The following TRAP1 variants were observed in gnomAD, a reference collection of about 807,000 sequenced individuals.
TRAP1 encodes TNF receptor associated protein 1, also known as heat shock protein 75 kDa, mitochondrial.
A neutral mutation model predicts 89.1 loss-of-function variants in TRAP1; 102 were observed. The observed-to-expected ratio is 1.15, with a 90% CI of 0.98 to 1.35. The LOEUF is 1.35. Among genes scored for constraint, TRAP1 ranks in the 40% most tolerant of loss-of-function variants. TRAP1 has a pLI of 0.00. For missense variants in TRAP1, 1,256 were observed against 945.3 expected, an observed-to-expected ratio of 1.33 and a Z score of -4.31; for synonymous variants, 508 against 388.0, an observed-to-expected ratio of 1.31 and a Z score of -3.64.
chr16:3,705,549 T>C (rs1319409150), intron 1 of TRAP1, among the ~76,000 whole-genome samples: 2 of 152,226 alleles, frequency 1.3e-5, no homozygotes, highest in Non-Finnish European at 2.9e-5. Context: ...CTGGCTTCTT[T>C]GACTTAGCAT....
chr16:3,661,973 G>GAGCGTGGCCTCACCTGGGGTTGATCTCC lies in TRAP1; in HGVS notation c.1926_1940+13dup. On this transcript the variant is annotated intron_variant, in intron 16 of 17. Coordinates refer to ENST00000246957, the MANE Select transcript of TRAP1 (RefSeq NM_016292.3). ...GAATCCCACAGGCTGGAAGAGCCAG[G>GAGCGTGGCCTCACCTGGGGTTGATCTCC]AGCGTGGCCTCACCTGGGGTTGATC... 1 of 1,590,952 alleles carries GAGCGTGGCCTCACCTGGGGTTGATCTCC rather than the reference G, an allele frequency of 6.3e-7. No homozygotes were observed. The highest frequency in any genetic ancestry group is 8.6e-7 in the Non-Finnish European group (1 of 1,166,556).
chr16:3,664,204 AGAGCT>A, intron 13 of TRAP1, 65 bp downstream of exon 13: 1 of 1,434,982 alleles, frequency 7.0e-7, no homozygotes, highest in Admixed American at 2.8e-5. Flanking sequence ...CACCCAGCAC[AGAGCT>A]GAGAAGGTCA....
At chr16:3,667,416 G>A (rs1402895711) in intron 11 of TRAP1, among the ~76,000 whole-genome samples, 1 of 151,986 alleles carries the variant, frequency 6.6e-6, no homozygotes, top group African/African-American at 2.4e-5. Flanking sequence ...CAGAGGTCAG[G>A]AGTTTGAGAC....
chr16:3,670,866 C>A (rs1285011912), intron 11 of TRAP1, among the ~76,000 whole-genome samples: 2 of 152,160 alleles, frequency 1.3e-5, no homozygotes, highest in Non-Finnish European at 2.9e-5. Context: ...TGCCCACCAT[C>A]TCCCCAGACC....
At chr16:3,686,274 T>TG in intron 3 of TRAP1, 138 bp from the exon 4 acceptor site, 5 of 1,072,388 alleles carry the variant, frequency 4.7e-6, no homozygotes, top group Non-Finnish European at 6.6e-6. Context: ...GTTTCTGCTT[T>TG]AGTCAAAGGC....
At chr16:3,675,086 G>C (rs2050970697) in intron 8 of TRAP1, among the ~76,000 whole-genome samples, 1 of 152,186 alleles carries the variant, frequency 6.6e-6, no homozygotes, top group Non-Finnish European at 1.5e-5. Context: ...GAGCCAGCTG[G>C]GATGGGCGTT....
chr16:3,706,329 G>C (rs1310317180), intron 1 of TRAP1, among the ~76,000 whole-genome samples: 2 of 151,994 alleles, frequency 1.3e-5, no homozygotes, highest in African/African-American at 4.8e-5. Context: ...GAGTGCAGTG[G>C]CTGTTTACAG....
At chr16:3,696,595 G>A (rs2051290686) in intron 1 of TRAP1, among the ~76,000 whole-genome samples, 1 of 152,178 alleles carries the variant, frequency 6.6e-6, no homozygotes, top group Admixed American at 6.6e-5. Flanking sequence ...TCACTCTGTT[G>A]CCCAGGCTGG....
chr16:3,680,028 A>G, intron 4 of TRAP1: 1 of 460,848 alleles, frequency 2.2e-6, no homozygotes, highest in East Asian at 3.7e-5. Flanking sequence ...CCAGGAGTTC[A>G]AGACCAGCCT....
intron 1 of TRAP1, among the ~76,000 whole-genome samples, chr16:3,695,835 C>A (rs564227481): frequency 2.0e-5 from 3 of 152,142 alleles, no homozygotes; most frequent in Non-Finnish European, 4.4e-5. Flanking sequence ...AGCGGAAAAG[C>A]TGATTGTGGC....
chr16:3,712,807 G>C (rs1002931765), intron 1 of TRAP1, among the ~76,000 whole-genome samples: 2 of 152,122 alleles, frequency 1.3e-5, no homozygotes, highest in African/African-American at 4.8e-5. Context: ...GTAGAGACGG[G>C]GTTTCGCCAT....
chr16:3,709,618 C>T (rs573729073), intron 1 of TRAP1, among the ~76,000 whole-genome samples: 10 of 151,972 alleles, frequency 6.6e-5, no homozygotes, highest in South Asian at 6.2e-4. Flanking sequence ...AGATTACACA[C>T]GGTTCCTTCC....
rs1274774326 is a variant in TRAP1 at position 3,662,948 on chromosome 16, C to T, written c.1728G>A (p.Glu576=). The T allele has an allele frequency of 6.2e-7, 1 of 1,611,840 alleles. No individual in the cohort carries two copies. The highest frequency in any genetic ancestry group is 1.3e-5 in the African/African-American group (1 of 74,950). The change falls in exon 15 of 18, where the codon GAG becomes GAA. Residue 576 remains glutamate (E), a synonymous_variant. Coordinates refer to ENST00000246957, the MANE Select transcript of TRAP1 (RefSeq NM_016292.3). ...DRSPAAECLS[E]KETEELMAWM... is the part of the protein sequence containing the mutation. ...AGGCCATGAGCTCCTCCGTCTCCTT[C>T]TCTGATAGGCACTCGGCGGCTGCGG...
chr16:3,698,510 G>C lies in TRAP1; in HGVS notation c.89-7525C>G, dbSNP rs931855571. 8.6e-5 allele frequency among the ~76,000 whole-genome samples: 13 copies of C among 151,814 alleles called. 1 individual carries two copies. Among genetic ancestry groups the C allele is most frequent in the Non-Finnish European group, 5.9e-5 (4 of 67,954 alleles). ...GTAGAGATGGGGTTTCACCGTGTTA[G>C]CCAGGATGGTCTTGATCTCCTGACC... On this transcript the variant is annotated intron_variant, in intron 1 of 17. Transcript: ENST00000246957.
chr16:3,703,597 AGG>A (rs927444862), intron 1 of TRAP1, among the ~76,000 whole-genome samples: 2 of 152,032 alleles, frequency 1.3e-5, no homozygotes, highest in African/African-American at 4.8e-5. Context: ...TGCCACCAGG[AGG>A]GGTGTTGTCT....
rs756889042 is a variant in TRAP1, at chr16:3,686,007, T to C, written c.460A>G (p.Ile154Val). 3.1e-6 allele frequency: 5 copies of C among 1,613,994 alleles called. No homozygotes were observed. Among genetic ancestry groups the C allele is most frequent in the Admixed American group, 3.3e-5 (2 of 60,004 alleles). The change falls in exon 4 of 18, where the codon ATC becomes GTC. Residue 154 changes from isoleucine to valine, a missense_variant. Ile to Val is a conservative substitution (Grantham distance 29). Transcript: ENST00000246957. ...ACTGAGGGAGGTACCTGGATGGTGA[T>C]GGTGCCTTTCTCGGCATTGGTCTGC... is the stretch of plus-strand genomic sequence containing the variant. ...HLQTNAEKGT[I>V]TIQDTGIGMT...
chr16:3,673,098 G>A (rs1341678539), intron 9 of TRAP1, among the ~76,000 whole-genome samples: 7 of 152,048 alleles, frequency 4.6e-5, no homozygotes, highest in Non-Finnish European at 7.4e-5. Flanking sequence ...TGAACACACT[G>A]AACACAGCCA....
At chr16:3,703,440 G>GA (rs1028768580) in intron 1 of TRAP1, among the ~76,000 whole-genome samples, 18 of 151,810 alleles carry the variant, frequency 1.2e-4, no homozygotes, top group African/African-American at 2.7e-4. Flanking sequence ...CTAACACAAA[G>GA]AAAAAACACT....
intron 4 of TRAP1, among the ~76,000 whole-genome samples, chr16:3,681,735 C>T (rs2051075935): frequency 6.6e-6 from 1 of 151,880 alleles, no homozygotes; most frequent in Non-Finnish European, 1.5e-5. Context: ...TAATGTTAGA[C>T]CAAGGTAAAG....
Sources: allele counts gnomAD v4.1 joint callset (sites outside exome capture counted in the v4.1 genomes callset), GRCh38; gene constraint gnomAD v4.1.1; transcripts MANE v1.5; gene names NCBI Gene and HGNC (gene_info 2026-07-23, HGNC 2026-07-21).